Variants in AFTPH observed in about 807,000 individuals in gnomAD.
AFTPH encodes the protein aftiphilin protein.
Under a neutral mutation model 72.5 loss-of-function variants are expected in AFTPH, and 7 were observed. The ratio of observed to expected loss-of-function variants is 0.10; its 90% CI spans 0.05 to 0.18. The LOEUF is 0.18. Ranked by LOEUF, AFTPH falls within the 10% of genes least tolerant of loss-of-function variation. The pLI is 1.00. For synonymous variants in AFTPH, 337 were observed against 370.1 expected (o/e 0.91, Z 1.03); for missense variants, 979 against 1,060.5 (o/e 0.92, Z 1.07).
chr2:64,536,973 AAAGAAG>A (rs1162264614), intron 1 of AFTPH, among the ~76,000 whole-genome samples: 8 of 133,388 alleles, frequency 6.0e-5, no homozygotes, highest in African/African-American at 1.8e-4. Flanking sequence ...AAAAAAAAAA[AAAGAAG>A]AAGAAGAAGA....
chr2:64,528,322 T>C (rs897414328), intron 1 of AFTPH, among the ~76,000 whole-genome samples: 2 of 152,230 alleles, frequency 1.3e-5, no homozygotes, highest in African/African-American at 4.8e-5. Context: ...GCACCTGCTA[T>C]TTGTCCGGCC....
chr2:64,592,729 A>G (rs553936411), exon 9 of AFTPH: 7 of 152,772 alleles, frequency 4.6e-5, no homozygotes, highest in South Asian at 2.1e-4. Flanking sequence ...ATGTCTTACA[A>G]TGGAATTTAC....
chr2:64,553,224 T>C (rs1297601847), exon 2 of AFTPH: 1 of 1,614,006 alleles, frequency 6.2e-7, no homozygotes, highest in African/African-American at 1.3e-5. Context: ...AGATAGTTGT[T>C]CTTGGGCTGC....
intron 5 of AFTPH, among the ~76,000 whole-genome samples, chr2:64,570,453 C>G (rs1354771525): frequency 1.3e-5 from 2 of 152,168 alleles, no homozygotes; most frequent in Admixed American, 6.5e-5. Context: ...CAAACTTTCT[C>G]CATGAATAAG....
chr2:64,572,818 A>G, intron 5 of AFTPH, 128 bp from the exon 6 acceptor site: 1 of 1,223,204 alleles, frequency 8.2e-7, no homozygotes, highest in Non-Finnish European at 1.1e-6. Flanking sequence ...AAAAAAAAAG[A>G]CTAGTTCCTT....
At chr2:64,568,586 A>T (rs1437138783) in intron 3 of AFTPH, among the ~76,000 whole-genome samples, 1 of 152,018 alleles carries the variant, frequency 6.6e-6, no homozygotes, top group Non-Finnish European at 1.5e-5. Context: ...ATAGTTTAAG[A>T]TCTGTTTGTT....
chr2:64,574,883 T>C (rs1219461527), intron 6 of AFTPH, among the ~76,000 whole-genome samples: 1 of 152,242 alleles, frequency 6.6e-6, no homozygotes, highest in Admixed American at 6.5e-5. Context: ...GAATTACCTT[T>C]CCCACGGCAC....
At chr2:64,572,242 A>G (rs1236072216) in intron 5 of AFTPH, among the ~76,000 whole-genome samples, 1 of 148,208 alleles carries the variant, frequency 6.7e-6, no homozygotes, top group African/African-American at 2.5e-5. Context: ...AAAAAGGTGT[A>G]TTAGATTTGT....
At chr2:64,586,832 CCT>C (rs1673547846) in intron 8 of AFTPH, among the ~76,000 whole-genome samples, 1 of 152,228 alleles carries the variant, frequency 6.6e-6, no homozygotes, top group African/African-American at 2.4e-5. Flanking sequence ...AATCGAAACT[CCT>C]CTCATAGAAA....
At chr2:64,586,616 AG>A (rs1402551561) in intron 8 of AFTPH, among the ~76,000 whole-genome samples, 1 of 152,216 alleles carries the variant, frequency 6.6e-6, no homozygotes, top group East Asian at 1.9e-4. Flanking sequence ...ATTATACATT[AG>A]ACTACCCTTA....
chr2:64,578,580 A>G (rs1003700509), intron 6 of AFTPH, among the ~76,000 whole-genome samples: 1 of 149,446 alleles, frequency 6.7e-6, no homozygotes, highest in Non-Finnish European at 1.5e-5. Context: ...TTTTTTAAAC[A>G]GTCTCACTCT....
chr2:64,559,342 AT>A (rs1360542832), intron 2 of AFTPH, among the ~76,000 whole-genome samples: 4 of 152,180 alleles, frequency 2.6e-5, no homozygotes, highest in African/African-American at 9.7e-5. Context: ...GAGATTGATT[AT>A]TGGAAATTGA....
At chr2:64,586,170 C>T (rs1182252338) in intron 8 of AFTPH, among the ~76,000 whole-genome samples, 1 of 152,182 alleles carries the variant, frequency 6.6e-6, no homozygotes, top group Non-Finnish European at 1.5e-5. Context: ...CTAGTACAAT[C>T]CATTGCTTTG....
intron 1 of AFTPH, among the ~76,000 whole-genome samples, chr2:64,537,246 G>T (rs945681487): frequency 3.3e-5 from 5 of 152,052 alleles, no homozygotes; most frequent in Non-Finnish European, 7.4e-5. Flanking sequence ...CAAAAGAATG[G>T]AAACAACAGA....
At chr2:64,567,702 A>G in exon 3 of AFTPH, 4 of 1,611,402 alleles carry the variant, frequency 2.5e-6, no homozygotes, top group Non-Finnish European at 2.5e-6. Flanking sequence ...GAGAGGCCTT[A>G]CCTGAAAGTG....
chr2:64,540,936 A>G (rs1210232044), intron 1 of AFTPH, among the ~76,000 whole-genome samples: 1 of 152,038 alleles, frequency 6.6e-6, no homozygotes, highest in African/African-American at 2.4e-5. Context: ...CTTTTTCTGA[A>G]CCACTCAGAA....
intron 2 of AFTPH, among the ~76,000 whole-genome samples, chr2:64,564,021 A>G (rs1671899318): frequency 6.6e-6 from 1 of 152,110 alleles, no homozygotes; most frequent in Non-Finnish European, 1.5e-5. Flanking sequence ...CAAAATTTAA[A>G]CTCTACAAGG....
intron 7 of AFTPH, chr2:64,579,912 G>A (rs1368647009): frequency 5.6e-6 from 1 of 177,332 alleles, no homozygotes; most frequent in Non-Finnish European, 1.2e-5. Context: ...AAAGTCTTGT[G>A]ACTAGAGGCT....
At chr2:64,531,840 A>G (rs1669647170) in intron 1 of AFTPH, among the ~76,000 whole-genome samples, 1 of 152,182 alleles carries the variant, frequency 6.6e-6, no homozygotes, top group African/African-American at 2.4e-5. Flanking sequence ...AATTGCATAT[A>G]TGGCTTAATT....
Sources: gnomAD v4.1 joint callset for allele counts (sites outside exome capture counted in the v4.1 genomes callset) on GRCh38, gnomAD v4.1.1 for gene constraint, MANE v1.5 for transcripts, NCBI Gene and HGNC (gene_info 2026-07-23, HGNC 2026-07-21) for gene names.